Variants in CCT7 observed in about 807,000 individuals in gnomAD.
The protein encoded by CCT7 is chaperonin containing TCP1 subunit 7.
CCT7 carries 16 observed loss-of-function variants against 56.6 expected under a neutral mutation model. The ratio of observed to expected loss-of-function variants is 0.28; its 90% CI spans 0.19 to 0.43. The LOEUF is 0.43. Ranked by LOEUF, CCT7 falls within the 20% of genes least tolerant of loss-of-function variation. The pLI is 1.00. For missense variants in CCT7, 519 were observed against 685.6 expected (o/e 0.76, Z 2.71); for synonymous variants, 262 against 254.8 (o/e 1.03, Z -0.27).
rs187595078 is a variant in CCT7, at chr2:73,241,930, G to A, written c.268-1074G>A. Among the ~76,000 whole-genome samples the A allele has an allele frequency of 4.7e-3, 710 of 151,670 alleles. 1 individual carries two copies. The highest frequency in any genetic ancestry group is 8.2e-3 in the Non-Finnish European group (555 of 67,862). ...TAATTTTTGTATTTTTGGTAGAGAC[G>A]GGGTTTCACCATGTTGGCCAGGCTG... On this transcript the variant is annotated intron_variant, in intron 3 of 11. Coordinates refer to ENST00000258091, the MANE Select transcript of CCT7 (RefSeq NM_006429.4).
chr2:73,252,993 A>T lies in CCT7; in HGVS notation c.*132A>T. The T allele has an allele frequency of 1.6e-6, 1 of 641,524 alleles. No homozygotes were observed. The highest frequency in any genetic ancestry group is 2.7e-6 in the Non-Finnish European group (1 of 367,102). The allele number at this position is 641,524 out of a possible 1,614,324, so 39.7% of individuals were successfully genotyped here. A position where few individuals can be genotyped will look rare whatever the true frequency, so the allele number is the denominator to read the frequency against. ...TCTTACTGGAGGCTATTTAAATAAA[A>T]TGTAAGACTTCAGATAACTTTGTAA... On this transcript the variant is annotated 3_prime_UTR_variant, in exon 12 of 12. Coordinates refer to ENST00000258091, the MANE Select transcript of CCT7 (RefSeq NM_006429.4).
At chr2:73,252,512 T>A in intron 11 of CCT7, 128 bp from the exon 12 acceptor site, 1 of 701,232 alleles carries the variant, frequency 1.4e-6, no homozygotes, top group Non-Finnish European at 2.5e-6. Context: ...GATGCAGTAT[T>A]CTTCAGCGAA....
chr2:73,235,830 C>G (rs1291172213), intron 1 of CCT7, among the ~76,000 whole-genome samples: 3 of 152,198 alleles, frequency 2.0e-5, no homozygotes, highest in Non-Finnish European at 4.4e-5. Flanking sequence ...GCCAGGGCTT[C>G]CGTAAGAGCT....
chr2:73,234,741 C>G (rs931439851), intron 1 of CCT7, among the ~76,000 whole-genome samples: 4 of 152,194 alleles, frequency 2.6e-5, no homozygotes, highest in African/African-American at 9.6e-5. Flanking sequence ...ACGCGGTCGG[C>G]AGCTAGACTT....
intron 11 of CCT7, 137 bp from the exon 12 acceptor site, chr2:73,252,503 A>G (rs575670112): frequency 6.9e-5 from 46 of 670,584 alleles, no homozygotes; most frequent in African/African-American, 6.3e-4. Context: ...TCATAGGAAG[A>G]TGCAGTATTC....
chr2:73,245,705 T>C (rs1189391906), intron 6 of CCT7, among the ~76,000 whole-genome samples: 1 of 152,200 alleles, frequency 6.6e-6, no homozygotes, highest in Non-Finnish European at 1.5e-5. Context: ...GAGGACCAGC[T>C]TGAAAGATAG....
intron 1 of CCT7, among the ~76,000 whole-genome samples, chr2:73,234,931 T>G (rs1686804303): frequency 6.6e-6 from 1 of 152,190 alleles, no homozygotes; most frequent in Non-Finnish European, 1.5e-5. Flanking sequence ...ATTCATTCAC[T>G]CATTCGCTCA....
At chr2:73,236,219 A>G (rs1380474370) in intron 1 of CCT7, among the ~76,000 whole-genome samples, 3 of 152,264 alleles carry the variant, frequency 2.0e-5, no homozygotes, top group African/African-American at 4.8e-5. Flanking sequence ...TTTGTAAGCC[A>G]TTAAGCTTAA....
At chr2:73,245,152 A>G (rs922240006) in intron 6 of CCT7, among the ~76,000 whole-genome samples, 3 of 152,244 alleles carry the variant, frequency 2.0e-5, no homozygotes, top group African/African-American at 4.8e-5. Flanking sequence ...GCCTAAAGTT[A>G]AAAGTGTTTC....
intron 7 of CCT7, among the ~76,000 whole-genome samples, 160 bp downstream of exon 7, chr2:73,248,086 C>T (rs1392157671): frequency 6.6e-6 from 1 of 152,126 alleles, no homozygotes; most frequent in African/African-American, 2.4e-5. Context: ...TGTGTTCTCC[C>T]TGAGTGACCT....
At chr2:73,245,667 G>C (rs1242046727) in intron 6 of CCT7, among the ~76,000 whole-genome samples, 1 of 152,134 alleles carries the variant, frequency 6.6e-6, no homozygotes, top group Non-Finnish European at 1.5e-5. Context: ...CTTCGTCAGT[G>C]ACCTCAACTG....
rs1410126417 is a variant in CCT7, at chr2:73,247,887, T to A, written c.744T>A (p.Ala248=). The A allele has an allele frequency of 1.2e-6, 2 of 1,614,132 alleles. No individual in the cohort carries two copies. Among genetic ancestry groups the A allele is most frequent in the South Asian group, 2.2e-5 (2 of 91,082 alleles). The change falls in exon 7 of 12, where the codon GCT becomes GCA. Residue 248 remains alanine (A), a synonymous_variant. Coordinates refer to ENST00000258091, the MANE Select transcript of CCT7 (RefSeq NM_006429.4). ...ALLNVELELK[A]EKDNAEIRVH... ...TGAATGTCGAGCTCGAGTTGAAAGC[T>A]GAGAAAGACAATGCTGAGATAAGAG...
Position 73,244,608 on chromosome 2 carries a change from C to A in CCT7, c.511C>A (p.Gln171Lys), listed in dbSNP as rs369515793. 1.2e-6 allele frequency: 2 copies of A among 1,613,814 alleles called. No individual in the cohort carries two copies. Among genetic ancestry groups the A allele is most frequent in the Admixed American group, 3.3e-5 (2 of 60,014 alleles). The change falls in exon 6 of 12, where the codon CAG (glutamine) becomes AAG (lysine). Residue 171 changes from glutamine (Q) to lysine (K), a missense_variant. Transcript: ENST00000258091. ...TALSSKLISQ[Q>K]KAFFAKMVVD... is the part of the protein sequence containing the mutation. ...TCTGAGCTCCAAGCTGATCTCCCAG[C>A]AGAAAGCTTTCTTTGCTAAGATGGT...
chr2:73,247,667 T>C, intron 6 of CCT7, 95 bp from the exon 7 acceptor site: 1 of 1,010,892 alleles, frequency 9.9e-7, no homozygotes, highest in Non-Finnish European at 1.5e-6. Context: ...TAGCTCAGGC[T>C]CACAGGAATG....
chr2:73,250,000 C>T (rs910357283), intron 9 of CCT7, 84 bp downstream of exon 9: 8 of 954,588 alleles, frequency 8.4e-6, no homozygotes, highest in Middle Eastern at 2.1e-4. Flanking sequence ...ACAGCTTTTA[C>T]AAAGTCTCAC....
chr2:73,246,876 C>T (rs1295448410), intron 6 of CCT7, among the ~76,000 whole-genome samples: 2 of 152,344 alleles, frequency 1.3e-5, no homozygotes, highest in East Asian at 3.9e-4. Context: ...GACAGATACT[C>T]TTCACCCATG....
chr2:73,244,139 G>T, intron 5 of CCT7, 90 bp downstream of exon 5: 1 of 1,266,424 alleles, frequency 7.9e-7, no homozygotes, highest in South Asian at 1.3e-5. Flanking sequence ...TGGCTCAAGT[G>T]ATCTCCCACC....
At chr2:73,236,583 C>T (rs1446532435) in intron 1 of CCT7, among the ~76,000 whole-genome samples, 2 of 152,206 alleles carry the variant, frequency 1.3e-5, no homozygotes, top group Admixed American at 1.3e-4. Context: ...TTGTGATTCA[C>T]CCACCTTGGA....
At chr2:73,252,186 T>C (rs1462279317) in intron 11 of CCT7, among the ~76,000 whole-genome samples, 1 of 152,116 alleles carries the variant, frequency 6.6e-6, no homozygotes, top group Non-Finnish European at 1.5e-5. Flanking sequence ...TTCTGGCTTG[T>C]ATTAGGACTT....
Sources: gnomAD v4.1 joint callset for allele counts (sites outside exome capture counted in the v4.1 genomes callset) on GRCh38, gnomAD v4.1.1 for gene constraint, MANE v1.5 for transcripts, NCBI Gene and HGNC (gene_info 2026-07-23, HGNC 2026-07-21) for gene names.